Variants in ST6GALNAC5 observed in about 807,000 individuals in gnomAD.
ST6GALNAC5 encodes alpha-N-acetylgalactosaminide alpha-2,6-sialyltransferase 5.
A neutral mutation model predicts 33.6 loss-of-function variants in ST6GALNAC5; 27 were observed. The ratio of observed to expected loss-of-function variants is 0.80; its 90% CI spans 0.59 to 1.11. ST6GALNAC5 has a LOEUF of 1.11. ST6GALNAC5 is among the 50% of genes least tolerant of loss of function. The probability of loss-of-function intolerance (pLI) is 0.00; values close to 1 mark genes in which losing one functional copy is unlikely to be tolerated. For missense variants in ST6GALNAC5, 428 were observed against 454.0 expected (o/e 0.94, Z 0.52); for synonymous variants, 194 against 171.2 (o/e 1.13, Z -1.04).
At chr1:76,907,544 C>A (rs1646875764) in intron 2 of ST6GALNAC5, among the ~76,000 whole-genome samples, 1 of 152,166 alleles carries the variant, frequency 6.6e-6, no homozygotes, top group South Asian at 2.1e-4. Flanking sequence ...TGAGAGAAAG[C>A]CCTGCTCCAC....
intron 2 of ST6GALNAC5, among the ~76,000 whole-genome samples, chr1:76,960,379 AG>A (rs1224950508): frequency 1.3e-5 from 2 of 152,150 alleles, no homozygotes; most frequent in Non-Finnish European, 2.9e-5. Context: ...ATGCTTCACA[AG>A]GTAATAGAAT....
Position 77,066,585 on chromosome 1 carries a change from C to G in ST6GALNAC5, c.*3379C>G, listed in dbSNP as rs1037862806. Reference sequence around the variant, plus strand: ...CATTTAGTACCTGCCTAAATATTTGCCCTTGTGTAAGAGCAAACTCATTTC... The same window carrying G: ...CATTTAGTACCTGCCTAAATATTTGGCCTTGTGTAAGAGCAAACTCATTTC... On this transcript the variant is annotated 3_prime_UTR_variant, in exon 5 of 5. Transcript: ENST00000477717. 2.0e-5 allele frequency among the ~76,000 whole-genome samples: 3 copies of G among 152,156 alleles called. No individual in the cohort carries two copies. The highest frequency in any genetic ancestry group is 7.2e-5 in the African/African-American group (3 of 41,434).
At chr1:76,982,463 C>CA (rs1279306293) in intron 2 of ST6GALNAC5, among the ~76,000 whole-genome samples, 1 of 151,788 alleles carries the variant, frequency 6.6e-6, no homozygotes, top group Non-Finnish European at 1.5e-5. Context: ...AAGGTTAGAG[C>CA]AAAAAGAGTA....
At chr1:76,907,008 G>T (rs1460839321) in intron 2 of ST6GALNAC5, among the ~76,000 whole-genome samples, 1 of 151,870 alleles carries the variant, frequency 6.6e-6, no homozygotes, top group African/African-American at 2.4e-5. Flanking sequence ...ACCCTAATAG[G>T]CCACTTCTGG....
intron 2 of ST6GALNAC5, among the ~76,000 whole-genome samples, chr1:76,935,420 T>C (rs1412391664): frequency 6.6e-6 from 1 of 152,058 alleles, no homozygotes; most frequent in Non-Finnish European, 1.5e-5. Flanking sequence ...GGAGTTATTA[T>C]TTAGGCACCG....
intron 4 of ST6GALNAC5, among the ~76,000 whole-genome samples, chr1:77,062,127 CAT>C (rs1267871013): frequency 6.6e-6 from 1 of 152,090 alleles, no homozygotes; most frequent in African/African-American, 2.4e-5. Flanking sequence ...CTGCTAATTC[CAT>C]ATAAATTTCT....
intron 2 of ST6GALNAC5, among the ~76,000 whole-genome samples, chr1:77,020,308 A>AT (rs998234989): frequency 6.6e-6 from 1 of 152,184 alleles, no homozygotes; most frequent in Admixed American, 6.5e-5. Flanking sequence ...AGTCCAAAGT[A>AT]TTTTTAGCTT....
chr1:77,055,536 A>G (rs1470916775), intron 4 of ST6GALNAC5, among the ~76,000 whole-genome samples: 1 of 152,250 alleles, frequency 6.6e-6, no homozygotes, highest in Non-Finnish European at 1.5e-5. Context: ...GCTTAAAGAC[A>G]TGAAACAGCT....
intron 2 of ST6GALNAC5, among the ~76,000 whole-genome samples, chr1:76,905,530 C>A (rs765191402): frequency 6.6e-6 from 1 of 152,148 alleles, no homozygotes; most frequent in Non-Finnish European, 1.5e-5. Context: ...TGGAAACCAG[C>A]CTTATTCTTG....
chr1:76,940,491 A>G (rs544716605), intron 2 of ST6GALNAC5, among the ~76,000 whole-genome samples: 7 of 152,202 alleles, frequency 4.6e-5, no homozygotes, highest in African/African-American at 1.7e-4. Context: ...GTTAGTGTGC[A>G]TTTTTATTGC....
At chr1:76,917,188 C>G (rs1646984453) in intron 2 of ST6GALNAC5, among the ~76,000 whole-genome samples, 1 of 152,094 alleles carries the variant, frequency 6.6e-6, no homozygotes, top group Non-Finnish European at 1.5e-5. Context: ...TATTATTGCT[C>G]TTTGCATGTA....
At chr1:76,934,668 C>A (rs947737519) in intron 2 of ST6GALNAC5, among the ~76,000 whole-genome samples, 20 of 152,084 alleles carry the variant, frequency 1.3e-4, no homozygotes, top group Non-Finnish European at 2.8e-4. Flanking sequence ...ATAAGGCCTG[C>A]ATGCTAAAAC....
intron 2 of ST6GALNAC5, among the ~76,000 whole-genome samples, chr1:77,012,996 A>G (rs1650695491): frequency 6.6e-6 from 1 of 152,120 alleles, no homozygotes; most frequent in Non-Finnish European, 1.5e-5. Flanking sequence ...GCCCCCAAAG[A>G]AGGAGGCTTT....
chr1:76,900,336 C>A (rs998938095), intron 2 of ST6GALNAC5, among the ~76,000 whole-genome samples: 13 of 142,782 alleles, frequency 9.1e-5, no homozygotes, highest in African/African-American at 4.9e-5. Flanking sequence ...TGGATGTGTA[C>A]GTGCAGGTCA....
intron 2 of ST6GALNAC5, among the ~76,000 whole-genome samples, chr1:77,005,030 C>A (rs1015953528): frequency 6.6e-6 from 1 of 151,406 alleles, no homozygotes; most frequent in Non-Finnish European, 1.5e-5. Context: ...CCAGTTCGAG[C>A]TTCCTGGCTG....
chr1:76,988,170 C>T (rs1379787015), intron 2 of ST6GALNAC5, among the ~76,000 whole-genome samples: 2 of 152,188 alleles, frequency 1.3e-5, no homozygotes, highest in South Asian at 4.1e-4. Context: ...ATTGCTGAGA[C>T]TTTCCTGTGC....
At position 76,896,268 on chromosome 1, in the gene ST6GALNAC5, A is replaced by T. The variant is rs1046373851; in HGVS notation, c.261+27526A>T. 2.6e-5 allele frequency among the ~76,000 whole-genome samples: 4 copies of T among 152,292 alleles called. No homozygotes were observed. In the East Asian group the frequency reaches 7.7e-4, roughly 29 times the overall value. Reference sequence around the variant, plus strand: ...ACCTAGACTAAGCGGTATTTTAGTTATCTGACATGGGGAATGTTGAGTAAA... The same window carrying T: ...ACCTAGACTAAGCGGTATTTTAGTTTTCTGACATGGGGAATGTTGAGTAAA... On this transcript the variant is annotated intron_variant, in intron 2 of 4. Transcript: ENST00000477717.
At position 76,907,545 on chromosome 1, in the gene ST6GALNAC5, C is replaced by A. The variant is rs557501629; in HGVS notation, c.261+38803C>A. 2.6e-5 allele frequency among the ~76,000 whole-genome samples: 4 copies of A among 152,210 alleles called. No individual in the cohort carries two copies. The East Asian group carries it at 7.7e-4, about 29-fold the overall frequency. ...TGTAACTGTACTAGTGAGAGAAAGC[C>A]CTGCTCCACAGTTTCTTGCATCACT... On this transcript the variant is annotated intron_variant, in intron 2 of 4. Coordinates refer to ENST00000477717, the MANE Select transcript of ST6GALNAC5 (RefSeq NM_030965.3).
chr1:77,067,255 T>C lies in ST6GALNAC5; in HGVS notation c.*4049T>C, dbSNP rs1004142857. Among the ~76,000 whole-genome samples, 1 of 152,252 alleles carries C rather than the reference T, an allele frequency of 6.6e-6. No individual in the cohort carries two copies. The highest frequency in any genetic ancestry group is 1.5e-5 in the Non-Finnish European group (1 of 68,042). On this transcript the variant is annotated 3_prime_UTR_variant, in exon 5 of 5. Coordinates refer to ENST00000477717, the MANE Select transcript of ST6GALNAC5 (RefSeq NM_030965.3). ...GTGAGAGTGTCTCAAGGTTTAAAAA[T>C]GAGCAAGTGTAGCCCCTCTTTTGTA...
Sources: allele counts gnomAD v4.1 joint callset (sites outside exome capture counted in the v4.1 genomes callset), GRCh38; gene constraint gnomAD v4.1.1; transcripts MANE v1.5; gene names NCBI Gene and HGNC (gene_info 2026-07-23, HGNC 2026-07-21).